The following APBA1 variants were observed in gnomAD, a reference collection of about 807,000 sequenced individuals.
The protein encoded by APBA1 is amyloid-beta A4 precursor protein-binding family A member 1.
In APBA1, 55 loss-of-function variants were observed where a neutral mutation model predicts 86.6. The ratio of observed to expected loss-of-function variants is 0.64; its 90% confidence interval spans 0.51 to 0.80. The LOEUF is 0.80. Among genes scored for constraint, APBA1 ranks in the 30% least tolerant of loss-of-function variants. APBA1 has a pLI of 0.00. For missense variants in APBA1, 1,090 were observed against 1,183.0 expected (o/e 0.92, Z 1.15); for synonymous variants, 511 against 493.9 (o/e 1.03, Z -0.46).
At chr9:69,491,741 G>C (rs1352169940) in intron 2 of APBA1, among the ~76,000 whole-genome samples, 1 of 150,482 alleles carries the variant, frequency 6.6e-6, no homozygotes, top group Non-Finnish European at 1.5e-5. Context: ...TACATACATA[G>C]TTACATTTCA....
At chr9:69,431,492 C>T in intron 12 of APBA1, 94 bp from the exon 13 acceptor site, 2 of 1,069,116 alleles carry the variant, frequency 1.9e-6, no homozygotes, top group Non-Finnish European at 2.7e-6. Flanking sequence ...AGTGCCTCTC[C>T]CACAGAGGGC....
chr9:69,555,236 T>C (rs113655632), intron 1 of APBA1, among the ~76,000 whole-genome samples: 21 of 152,274 alleles, frequency 1.4e-4, no homozygotes, highest in African/African-American at 4.8e-4. Context: ...TTGGGCTGTT[T>C]CACCCAGATT....
At chr9:69,567,337 C>T (rs984127829) in intron 1 of APBA1, among the ~76,000 whole-genome samples, 6 of 152,036 alleles carry the variant, frequency 3.9e-5, no homozygotes, top group Non-Finnish European at 8.8e-5. Flanking sequence ...GAAATTCCTG[C>T]CGCCCCCACC....
chr9:69,602,398 C>T (rs1212850635), intron 1 of APBA1, among the ~76,000 whole-genome samples: 4 of 151,892 alleles, frequency 2.6e-5, no homozygotes, highest in Non-Finnish European at 5.9e-5. Flanking sequence ...GGTGAAACCC[C>T]GTCTCTACTA....
chr9:69,566,770 G>A (rs1472241694), intron 1 of APBA1, among the ~76,000 whole-genome samples: 4 of 152,038 alleles, frequency 2.6e-5, no homozygotes, highest in African/African-American at 9.7e-5. Context: ...TGGCTCCCCA[G>A]CTACATGCAG....
chr9:69,492,747 C>CAT (rs781420838), intron 2 of APBA1, among the ~76,000 whole-genome samples: 7 of 152,040 alleles, frequency 4.6e-5, no homozygotes, highest in Non-Finnish European at 1.0e-4. Context: ...TAATTTATAG[C>CAT]ATAGTTCACA....
intron 8 of APBA1, among the ~76,000 whole-genome samples, chr9:69,454,922 A>G (rs958088423): frequency 6.6e-6 from 1 of 152,172 alleles, no homozygotes; most frequent in African/African-American, 2.4e-5. Flanking sequence ...AGTAGGGAGA[A>G]TGGCAGGCAG....
At chr9:69,565,889 CCT>C (rs1837018917) in intron 1 of APBA1, among the ~76,000 whole-genome samples, 2 of 152,252 alleles carry the variant, frequency 1.3e-5, no homozygotes, top group Admixed American at 1.3e-4. Context: ...TCACGTCCCT[CCT>C]CTGTTTAGAA....
intron 1 of APBA1, among the ~76,000 whole-genome samples, chr9:69,653,964 G>A (rs1012916204): frequency 8.6e-5 from 13 of 152,018 alleles, no homozygotes; most frequent in Middle Eastern, 3.4e-3. Flanking sequence ...GGCATCTCCC[G>A]TGTAGCCGGG....
At chr9:69,441,917 C>G (rs1473906025) in intron 10 of APBA1, among the ~76,000 whole-genome samples, 1 of 152,234 alleles carries the variant, frequency 6.6e-6, no homozygotes, top group East Asian at 1.9e-4. Flanking sequence ...TCTGTGTGGT[C>G]TGAGCTGAGC....
chr9:69,606,479 C>CTG (rs1822474768), intron 1 of APBA1, among the ~76,000 whole-genome samples: 1 of 50,874 alleles, frequency 2.0e-5, no homozygotes, highest in Non-Finnish European at 3.6e-5. Context: ...AGGGAGCTAG[C>CTG]TTTTTTTTTT....
chr9:69,543,081 A>G (rs11139246), intron 1 of APBA1, among the ~76,000 whole-genome samples: 57,613 of 152,180 alleles, frequency 0.38, 12,279 homozygotes, highest in Non-Finnish European at 0.47. Context: ...CTCAAGACCA[A>G]AATCTTCCTT....
chr9:69,546,736 G>A (rs1255921067), intron 1 of APBA1, among the ~76,000 whole-genome samples: 1 of 152,196 alleles, frequency 6.6e-6, no homozygotes, highest in African/African-American at 2.4e-5. Flanking sequence ...AAATCTTAAA[G>A]TAAGGAGCAG....
chr9:69,433,348 A>G (rs1386828537), intron 11 of APBA1, among the ~76,000 whole-genome samples: 1 of 152,244 alleles, frequency 6.6e-6, no homozygotes, highest in Non-Finnish European at 1.5e-5. Flanking sequence ...TTTTCCCAAA[A>G]GAGTAGGTCT....
At chr9:69,559,377 A>T (rs900052905) in intron 1 of APBA1, among the ~76,000 whole-genome samples, 12 of 151,880 alleles carry the variant, frequency 7.9e-5, no homozygotes, top group Admixed American at 6.6e-4. Context: ...TTTCCATCAC[A>T]CTCTCATGCC....
At chr9:69,435,770 T>G (rs1834705068) in intron 11 of APBA1, among the ~76,000 whole-genome samples, 2 of 152,270 alleles carry the variant, frequency 1.3e-5, no homozygotes, top group Non-Finnish European at 2.9e-5. Context: ...TAGTTTCTTT[T>G]GCTGTGCAGA....
At chr9:69,515,619 T>C (rs867171287) in intron 2 of APBA1, among the ~76,000 whole-genome samples, 2 of 148,162 alleles carry the variant, frequency 1.3e-5, no homozygotes, top group Non-Finnish European at 3.0e-5. Context: ...TCCTCAAGCA[T>C]GGCTTGTTTT....
intron 6 of APBA1, 147 bp downstream of exon 6, chr9:69,458,009 G>A (rs1370982035): frequency 9.3e-6 from 7 of 750,902 alleles, no homozygotes; most frequent in Non-Finnish European, 1.4e-5. Flanking sequence ...TTTGAGAAAC[G>A]CTGGCTTATG....
intron 11 of APBA1, among the ~76,000 whole-genome samples, chr9:69,435,859 A>C (rs1326900512): frequency 5.9e-5 from 9 of 152,174 alleles, no homozygotes; most frequent in South Asian, 2.1e-4. Context: ...GACATGAAGT[A>C]CTTGCCCATG....
Sources: allele counts gnomAD v4.1 joint callset (sites outside exome capture counted in the v4.1 genomes callset), GRCh38; gene constraint gnomAD v4.1.1; transcripts MANE v1.5; gene names NCBI Gene and HGNC (gene_info 2026-07-23, HGNC 2026-07-21).